RADIL: variants seen among roughly 807,000 people sequenced by gnomAD.
The protein encoded by RADIL is Rap associating with DIL domain.
In RADIL, 99 loss-of-function variants were observed where a neutral mutation model predicts 97.6. The observed-to-expected ratio is 1.01, with a 90% CI of 0.86 to 1.20. The LOEUF (loss-of-function observed/expected upper bound fraction) is 1.20. Among genes scored for constraint, RADIL ranks in the 50% most tolerant of loss-of-function variants. The pLI, the probability that RADIL is intolerant of heterozygous loss-of-function variation, is 0.00. For missense variants in RADIL, 1,765 were observed against 1,498.9 expected (o/e 1.18, Z -2.93); for synonymous variants, 803 against 691.8 (o/e 1.16, Z -2.52).
chr7:4,831,764 T>C (rs1483178367), intron 5 of RADIL, among the ~76,000 whole-genome samples: 3 of 150,904 alleles, frequency 2.0e-5, no homozygotes, highest in South Asian at 2.1e-4. Context: ...GGTGCACACC[T>C]GCAGTCCCAG....
intron 2 of RADIL, among the ~76,000 whole-genome samples, chr7:4,855,089 A>G (rs903209276): frequency 6.6e-6 from 1 of 152,122 alleles, no homozygotes; most frequent in Non-Finnish European, 1.5e-5. Context: ...CACAGCTAAC[A>G]CTGACGCAGG....
rs182150018 is a variant in RADIL at position 4,822,247 on chromosome 7, C to A, written c.1615+147G>T. ...TCACAGGCCGTCCCCGAGCAACTGA[C>A]ACATGGCAGCCTAGGGACTGAGGAA... On this transcript the variant is annotated intron_variant, in intron 6 of 14. Coordinates refer to ENST00000399583, the MANE Select transcript of RADIL (RefSeq NM_018059.5). The surrounding 1 kb of genome is among the most constrained non-coding windows in gnomAD (Gnocchi z 5.3). 4,385 of 1,075,680 alleles carry A rather than the reference C, an allele frequency of 4.1e-3. 10 individuals are homozygous for A. The highest frequency in any genetic ancestry group is 5.2e-3 in the Non-Finnish European group (4,009 of 773,406). 66.6% of individuals were successfully genotyped at this position (1,075,680 alleles called of 1,614,324 possible). A position where few individuals can be genotyped will look rare whatever the true frequency, so the allele number is the denominator to read the frequency against.
intron 13 of RADIL, 147 bp downstream of exon 13, chr7:4,800,024 C>T (rs1430268891): frequency 1.6e-6 from 2 of 1,273,336 alleles, no homozygotes; most frequent in Non-Finnish European, 2.1e-6. Flanking sequence ...GGCTGGGTTC[C>T]CCTCCCAGCT....
In RADIL at chr7:4,880,796, C is replaced by A. The variant is rs1017103599; in HGVS notation, c.-64-2593G>T. Among the ~76,000 whole-genome samples, 1 of 152,190 alleles carries A rather than the reference C, an allele frequency of 6.6e-6. No individual in the cohort carries two copies. Among genetic ancestry groups the A allele is most frequent in the Non-Finnish European group, 1.5e-5 (1 of 68,040 alleles). ...TACGATACCAAAAACTGGGGAAGCC[C>A]CCTCCAGGCAGGAGAAAGCCCATAT... is the stretch of plus-strand genomic sequence containing the variant. On this transcript the variant is annotated intron_variant, in intron 1 of 14. Transcript: ENST00000399583. This position sits in a 1 kb window ranked among gnomAD's most constrained non-coding sequence, Gnocchi z 4.5.
chr7:4,799,721 C>T lies in RADIL; in HGVS notation c.3031G>A (p.Gly1011Ser), dbSNP rs1175880817. Residue 1011 changes from glycine to serine, a missense_variant, in exon 14 of 15, where the codon GGC becomes AGC. Coordinates refer to ENST00000399583, the MANE Select transcript of RADIL (RefSeq NM_018059.5). ...CGCCCGTCGGCCGCTGCGGGGCTGC[C>T]CGGGAGCAGGGTCTGGATGTAGAGC... is the stretch of plus-strand genomic sequence containing the variant. ...PGLYIQTLLP[G>S]SPAAADGRLS... 2 of 1,565,112 alleles carry T rather than the reference C, an allele frequency of 1.3e-6. No individual in the cohort carries two copies. Among genetic ancestry groups the T allele is most frequent in the Non-Finnish European group, 1.7e-6 (2 of 1,158,188 alleles).
chr7:4,802,540 G>A (rs1363928393), intron 11 of RADIL, among the ~76,000 whole-genome samples: 3 of 131,116 alleles, frequency 2.3e-5, no homozygotes, highest in African/African-American at 1.0e-4. Context: ...GGCACCTCAG[G>A]GAATGCTGGC....
rs1781972339 is a variant in RADIL, at chr7:4,798,186, TCG to T, written c.*1190_*1191del. On this transcript the variant is annotated 3_prime_UTR_variant, in exon 15 of 15. Coordinates refer to ENST00000399583, the MANE Select transcript of RADIL (RefSeq NM_018059.5). ...CAGTATTTTGGGAACCTGGCAGTGG[TCG>T]CCGTTTCGAGCCAGGCGCAATGCGG... 1 of 151,496 alleles carries T rather than the reference TCG, an allele frequency of 6.6e-6. No homozygotes were observed. The highest frequency in any genetic ancestry group is 1.5e-5 in the Non-Finnish European group (1 of 67,896). The allele number at this position is 151,496 out of a possible 1,614,324, so 9.4% of individuals were successfully genotyped here. A position where few individuals can be genotyped will look rare whatever the true frequency, so the allele number is the denominator to read the frequency against.
rs1434562646 is a variant in RADIL at position 4,883,260 on chromosome 7, C to G, written c.-65+336G>C. Reference sequence around the variant, plus strand: ...GCCGGGAAAACTGAGGGCCGAGAGTCCCCTGGAGTTGGGGGTCCGGGGCCC... The same window carrying G: ...GCCGGGAAAACTGAGGGCCGAGAGTGCCCTGGAGTTGGGGGTCCGGGGCCC... On this transcript the variant is annotated intron_variant, in intron 1 of 14. Coordinates refer to ENST00000399583, the MANE Select transcript of RADIL (RefSeq NM_018059.5). The surrounding 1 kb of genome is among the most constrained non-coding windows in gnomAD (Gnocchi z 7.1). Among the ~76,000 whole-genome samples, 1 of 150,250 alleles carries G rather than the reference C, an allele frequency of 6.7e-6. No individual in the cohort carries two copies. The highest frequency in any genetic ancestry group is 2.5e-5 in the African/African-American group (1 of 39,780).
rs1425752078 is a variant in RADIL, at chr7:4,840,930, G to A, written c.536-4325C>T. On this transcript the variant is annotated intron_variant, in intron 2 of 14. Transcript: ENST00000399583. This position sits in a 1 kb window ranked among gnomAD's most constrained non-coding sequence, Gnocchi z 5.6. Reference sequence around the variant, plus strand: ...TGCAGTGACCTGAGATCGCACCACTGCACTCCAGCCTGGGTGACAGAGCGA... The same window carrying A: ...TGCAGTGACCTGAGATCGCACCACTACACTCCAGCCTGGGTGACAGAGCGA... Among the ~76,000 whole-genome samples the A allele has an allele frequency of 6.6e-6, 1 of 152,220 alleles. No homozygotes were observed. The highest frequency in any genetic ancestry group is 6.5e-5 in the Admixed American group (1 of 15,278).
At chr7:4,865,877 T>C in intron 2 of RADIL, 1 of 658,114 alleles carries the variant, frequency 1.5e-6, no homozygotes, top group East Asian at 2.7e-5. Flanking sequence ...ACACAAATAT[T>C]TACCGTTATG....
intron 2 of RADIL, among the ~76,000 whole-genome samples, chr7:4,855,524 A>G (rs532243829): frequency 2.0e-5 from 3 of 151,762 alleles, no homozygotes; most frequent in African/African-American, 7.2e-5. Flanking sequence ...AAGGGGCCAA[A>G]ACAATTTGCA....
chr7:4,838,862 G>T (rs552655660), intron 2 of RADIL, among the ~76,000 whole-genome samples: 1 of 152,366 alleles, frequency 6.6e-6, no homozygotes, highest in East Asian at 1.9e-4. Flanking sequence ...GGCCAGTGTG[G>T]ACAGCAACTG....
chr7:4,877,176 G>C (rs1235208996), intron 2 of RADIL, among the ~76,000 whole-genome samples: 1 of 152,198 alleles, frequency 6.6e-6, no homozygotes, highest in Non-Finnish European at 1.5e-5. Flanking sequence ...TGAGGTGAAA[G>C]TGGTGAGTTT....
chr7:4,802,839 A>C (rs556588585), intron 11 of RADIL, among the ~76,000 whole-genome samples: 503 of 32,750 alleles, frequency 0.015, no homozygotes, highest in African/African-American at 0.031. Context: ...CACCTCGGGG[A>C]ATGCTGGCTG....
chr7:4,842,196 G>A lies in RADIL; in HGVS notation c.536-5591C>T, dbSNP rs1174106690. Reference sequence around the variant, plus strand: ...GGATAGAAGGAGTAGAAAGTGCAGGGCGCCGGGGCAATGGGGAAGATGGGG... The same window carrying A: ...GGATAGAAGGAGTAGAAAGTGCAGGACGCCGGGGCAATGGGGAAGATGGGG... On this transcript the variant is annotated intron_variant, in intron 2 of 14. Coordinates refer to ENST00000399583, the MANE Select transcript of RADIL (RefSeq NM_018059.5). The surrounding 1 kb of genome is among the most constrained non-coding windows in gnomAD (Gnocchi z 4.5). Among the ~76,000 whole-genome samples the A allele has an allele frequency of 6.6e-6, 1 of 152,184 alleles. No homozygotes were observed. The highest frequency in any genetic ancestry group is 1.5e-5 in the Non-Finnish European group (1 of 68,034).
At chr7:4,830,858 C>G (rs1290453866) in intron 5 of RADIL, among the ~76,000 whole-genome samples, 2 of 151,638 alleles carry the variant, frequency 1.3e-5, no homozygotes, top group African/African-American at 4.8e-5. Context: ...ACTAAAAATA[C>G]AAAAAAACAA....
intron 2 of RADIL, among the ~76,000 whole-genome samples, chr7:4,843,581 G>T (rs1273055054): frequency 6.6e-6 from 1 of 152,160 alleles, no homozygotes; most frequent in East Asian, 1.9e-4. Context: ...CTGACTCTGG[G>T]CATTTTGCAT....
chr7:4,880,143 G>T lies in RADIL; in HGVS notation c.-64-1940C>A, dbSNP rs1337238529. Among the ~76,000 whole-genome samples the T allele has an allele frequency of 6.6e-6, 1 of 152,112 alleles. No individual in the cohort carries two copies. The highest frequency in any genetic ancestry group is 1.5e-5 in the Non-Finnish European group (1 of 68,028). On this transcript the variant is annotated intron_variant, in intron 1 of 14. Coordinates refer to ENST00000399583, the MANE Select transcript of RADIL (RefSeq NM_018059.5). This position sits in a 1 kb window ranked among gnomAD's most constrained non-coding sequence, Gnocchi z 4.5. ...TGAAGAGGTGAATTTGCTGTAACAGGTCACGGAGTTCCCAGTACAGGTCAT... is the reference window on the plus strand; with the variant it reads ...TGAAGAGGTGAATTTGCTGTAACAGTTCACGGAGTTCCCAGTACAGGTCAT...
chr7:4,874,127 G>T (rs1039320388), intron 2 of RADIL, among the ~76,000 whole-genome samples: 2 of 152,360 alleles, frequency 1.3e-5, no homozygotes, highest in East Asian at 3.9e-4. Flanking sequence ...GTGCACAGAG[G>T]CCGCCTCCAA....
Sources: allele counts gnomAD v4.1 joint callset (sites outside exome capture counted in the v4.1 genomes callset), GRCh38; gene constraint gnomAD v4.1.1; non-coding constraint Gnocchi (gnomAD v3.1); transcripts MANE v1.5; gene names NCBI Gene and HGNC (gene_info 2026-07-23, HGNC 2026-07-21).